MRTFB: variants seen among roughly 807,000 people sequenced by gnomAD.
The protein encoded by MRTFB is myocardin-related transcription factor B.
Under a neutral mutation model 104.2 loss-of-function variants are expected in MRTFB, and 29 were observed. The ratio of observed to expected loss-of-function variants is 0.28; its 90% CI spans 0.21 to 0.38. The LOEUF (loss-of-function observed/expected upper bound fraction) is 0.38. MRTFB is among the 10% of genes least tolerant of loss of function. MRTFB has a pLI of 1.00. For missense variants in MRTFB, 1,270 were observed against 1,341.6 expected, an observed-to-expected ratio of 0.95 and a Z score of 0.83; for synonymous variants, 535 against 519.5, an observed-to-expected ratio of 1.03 and a Z score of -0.41.
intron 3 of MRTFB, among the ~76,000 whole-genome samples, chr16:14,178,746 TTTTG>T (rs2039669703): frequency 6.6e-6 from 1 of 151,974 alleles, no homozygotes; most frequent in Admixed American, 6.6e-5. Flanking sequence ...GGGAGGTTTT[TTTTG>T]TTTGTTTTTT....
At chr16:14,220,316 G>GTTGT (rs571481306) in intron 8 of MRTFB, among the ~76,000 whole-genome samples, 166 of 152,304 alleles carry the variant, frequency 1.1e-3, no homozygotes, top group African/African-American at 3.7e-3. Flanking sequence ...ATCCATTTGG[G>GTTGT]TTGTTTGTTC....
At chr16:14,138,400 A>G (rs907923976) in intron 2 of MRTFB, among the ~76,000 whole-genome samples, 1 of 152,166 alleles carries the variant, frequency 6.6e-6, no homozygotes, top group Non-Finnish European at 1.5e-5. Context: ...TTTTTAAAGA[A>G]TTTCTTGTAG....
chr16:14,182,938 G>T (rs1484734073), intron 3 of MRTFB, among the ~76,000 whole-genome samples: 1 of 152,094 alleles, frequency 6.6e-6, no homozygotes, highest in Admixed American at 6.5e-5. Context: ...AGTAGGATGT[G>T]CCACTAATAA....
intron 8 of MRTFB, 125 bp from the exon 9 acceptor site, chr16:14,234,021 A>G: frequency 6.8e-6 from 8 of 1,167,900 alleles, no homozygotes; most frequent in Non-Finnish European, 8.6e-6. Flanking sequence ...AGACATAATC[A>G]TATATTTTTC....
the MRTFB span, among the ~76,000 whole-genome samples, chr16:14,031,346 A>G: frequency 1.3e-5 from 2 of 151,266 alleles, no homozygotes; most frequent in Admixed American, 1.3e-4. Context: ...GTGAGCCGAG[A>G]TTGTGCCACT....
At chr16:14,126,658 C>G (rs2037125839) in intron 2 of MRTFB, among the ~76,000 whole-genome samples, 1 of 152,176 alleles carries the variant, frequency 6.6e-6, no homozygotes, top group South Asian at 2.1e-4. Flanking sequence ...CGCCTCACAT[C>G]TATTATCTCT....
At chr16:14,095,106 G>T (rs2035289572) in intron 2 of MRTFB, among the ~76,000 whole-genome samples, 1 of 152,174 alleles carries the variant, frequency 6.6e-6, no homozygotes, top group South Asian at 2.1e-4. Flanking sequence ...GATAGCAAAG[G>T]CTACCTGAAA....
chr16:14,006,498 G>T, the MRTFB span, among the ~76,000 whole-genome samples: 1 of 151,182 alleles, frequency 6.6e-6, no homozygotes, highest in African/African-American at 2.4e-5. Flanking sequence ...GGGCAGCAGA[G>T]TGAGACTCTG....
At chr16:14,193,653 G>GGC (rs1396046828) in intron 3 of MRTFB, 3 of 152,154 alleles carry the variant, frequency 2.0e-5, no homozygotes, top group African/African-American at 7.2e-5. Flanking sequence ...TGCACCTGCC[G>GGC]GCCTGTGACA....
At chr16:14,143,574 A>G (rs1278492053) in intron 3 of MRTFB, 2 of 150,434 alleles carry the variant, frequency 1.3e-5, no homozygotes, top group East Asian at 1.9e-4. Context: ...GGTTAGTTAC[A>G]TATGTATACA....
chr16:14,188,589 T>C (rs978222165), intron 3 of MRTFB, among the ~76,000 whole-genome samples: 1 of 152,196 alleles, frequency 6.6e-6, no homozygotes, highest in African/African-American at 2.4e-5. Flanking sequence ...ATGCTTTCGA[T>C]TTATACAGGT....
chr16:14,087,000 G>A (rs955958387), intron 2 of MRTFB, among the ~76,000 whole-genome samples: 46 of 152,132 alleles, frequency 3.0e-4, no homozygotes, highest in Admixed American at 3.9e-4. Context: ...GGAAAGTTGG[G>A]CAGAGGAGAA....
chr16:14,222,123 A>T (rs1278185955), intron 8 of MRTFB, among the ~76,000 whole-genome samples: 1 of 152,108 alleles, frequency 6.6e-6, no homozygotes, highest in Non-Finnish European at 1.5e-5. Context: ...GTAAAGTACA[A>T]GTGGTGGGGT....
At chr16:14,028,532 G>C in the MRTFB span, among the ~76,000 whole-genome samples, 19 of 152,300 alleles carry the variant, frequency 1.2e-4, no homozygotes, top group African/African-American at 4.8e-5. Context: ...CATTCGGTTT[G>C]GCACATTGCA....
chr16:14,067,383 T>G (rs1158555024), upstream of MRTFB, among the ~76,000 whole-genome samples: 1 of 152,000 alleles, frequency 6.6e-6, no homozygotes, highest in African/African-American at 2.4e-5. Flanking sequence ...CCACCACACC[T>G]GACTAATTTT....
intron 2 of MRTFB, among the ~76,000 whole-genome samples, chr16:14,123,549 A>G (rs1466323904): frequency 6.6e-6 from 1 of 152,112 alleles, no homozygotes; most frequent in Admixed American, 6.5e-5. Flanking sequence ...TCCTTTCCCC[A>G]TTGCTTGTTT....
chr16:14,246,579 G>A lies in MRTFB; in HGVS notation c.1319G>A (p.Gly440Asp). Residue 440 changes from glycine (G) to aspartate (D), a missense_variant, in exon 12 of 17, where the codon GGC becomes GAC. By Grantham distance (94) the Gly-to-Asp change is moderately conservative. Transcript: ENST00000571589. ...CCCTACCAGGAAGTGAACAGCAGCG[G>A]CCTTGCTGCTGGGGGCATCGTGGCA... The part of the protein sequence containing the change: ...LKPYQEVNSS[G>D]LAAGGIVAVS... The A allele has an allele frequency of 6.2e-7, 1 of 1,614,154 alleles. No individual in the cohort carries two copies. The highest frequency in any genetic ancestry group is 8.5e-7 in the Non-Finnish European group (1 of 1,180,028).
At chr16:14,233,282 G>C (rs189062857) in intron 8 of MRTFB, among the ~76,000 whole-genome samples, 5 of 152,292 alleles carry the variant, frequency 3.3e-5, no homozygotes, top group African/African-American at 9.6e-5. Context: ...ATCTTCTGTT[G>C]CAAGAAATGG....
the MRTFB span, among the ~76,000 whole-genome samples, chr16:14,005,355 G>T: frequency 1.3e-5 from 2 of 152,222 alleles, no homozygotes; most frequent in African/African-American, 4.8e-5. Flanking sequence ...ATCACACACC[G>T]TGCAAAGGAA....
Sources: gnomAD v4.1 joint callset for allele counts (sites outside exome capture counted in the v4.1 genomes callset) on GRCh38, gnomAD v4.1.1 for gene constraint, MANE v1.5 for transcripts, NCBI Gene and HGNC (gene_info 2026-07-23, HGNC 2026-07-21) for gene names.